Variants in STK32B observed in about 807,000 individuals in gnomAD.
The protein encoded by STK32B is serine/threonine-protein kinase 32B.
In STK32B, 43 loss-of-function variants were observed where a neutral mutation model predicts 52.6. That is an observed-to-expected ratio of 0.82 (90% CI 0.64 to 1.05). The LOEUF is 1.05. Among genes scored for constraint, STK32B ranks in the 50% least tolerant of loss-of-function variants. STK32B has a pLI of 0.00. For missense variants in STK32B, 621 were observed against 534.6 expected, an observed-to-expected ratio of 1.16 and a Z score of -1.59; for synonymous variants, 238 against 204.3, an observed-to-expected ratio of 1.17 and a Z score of -1.41.
chr4:5,358,544 T>G (rs906872101), intron 4 of STK32B, among the ~76,000 whole-genome samples: 31 of 152,146 alleles, frequency 2.0e-4, no homozygotes, highest in Non-Finnish European at 3.2e-4. Flanking sequence ...GTTTCAAAGC[T>G]TGGGCATTAA....
At chr4:5,304,141 G>A (rs1729758416) in intron 3 of STK32B, among the ~76,000 whole-genome samples, 1 of 152,092 alleles carries the variant, frequency 6.6e-6, no homozygotes, top group Admixed American at 6.6e-5. Context: ...TTTTGGCTTA[G>A]TCTTGCTATG....
chr4:5,074,166 C>G (rs746534036), intron 1 of STK32B, among the ~76,000 whole-genome samples: 2 of 142,018 alleles, frequency 1.4e-5, no homozygotes, highest in Non-Finnish European at 3.1e-5. Context: ...ACCGGAGATT[C>G]TGTTCATTTG....
intron 4 of STK32B, among the ~76,000 whole-genome samples, chr4:5,362,106 A>G (rs1021477468): frequency 2.2e-4 from 33 of 152,296 alleles, no homozygotes; most frequent in African/African-American, 7.7e-4. Context: ...CATCATCATC[A>G]AGATGTATAG....
chr4:5,290,762 A>G (rs1728849975), intron 3 of STK32B, among the ~76,000 whole-genome samples: 3 of 7,078 alleles, frequency 4.2e-4, no homozygotes, highest in South Asian at 5.7e-3. Context: ...TAAATAAGAT[A>G]TACATAAAGA....
intron 3 of STK32B, among the ~76,000 whole-genome samples, chr4:5,300,242 T>C (rs1729470802): frequency 6.6e-6 from 1 of 152,160 alleles, no homozygotes; most frequent in Admixed American, 6.5e-5. Flanking sequence ...CCCTTCATGA[T>C]AAAAACCCTC....
Position 5,256,004 on chromosome 4 carries a change from A to C in STK32B, c.261-75216A>C, listed in dbSNP as rs113250847. Among the ~76,000 whole-genome samples, 657 of 152,308 alleles carry C rather than the reference A, an allele frequency of 4.3e-3. 8 individuals carry two copies. The highest frequency in any genetic ancestry group is 0.014 in the African/African-American group (575 of 41,564). Reference sequence around the variant, plus strand: ...CATGTGTGAAGCTGACACATGCCCCAAAGTGCTATATTGACTATACTGAAT... The same window carrying C: ...CATGTGTGAAGCTGACACATGCCCCCAAGTGCTATATTGACTATACTGAAT... On this transcript the variant is annotated intron_variant, in intron 3 of 11. Transcript: ENST00000282908.
At chr4:5,070,276 A>C (rs777880309) in intron 1 of STK32B, among the ~76,000 whole-genome samples, 1 of 151,932 alleles carries the variant, frequency 6.6e-6, no homozygotes, top group Non-Finnish European at 1.5e-5. Context: ...CTGGTGGTTG[A>C]GGAGCAGCGT....
At chr4:5,487,799 A>G (rs1361504867) in intron 11 of STK32B, among the ~76,000 whole-genome samples, 1 of 152,142 alleles carries the variant, frequency 6.6e-6, no homozygotes, top group Non-Finnish European at 1.5e-5. Flanking sequence ...CAGTGTGGAA[A>G]ACACCCCCTT....
At chr4:5,365,060 G>T (rs557656175) in intron 4 of STK32B, among the ~76,000 whole-genome samples, 1 of 152,164 alleles carries the variant, frequency 6.6e-6, no homozygotes, top group Admixed American at 6.5e-5. Flanking sequence ...ATTTTTAGTG[G>T]AGATGGGGTT....
intron 1 of STK32B, among the ~76,000 whole-genome samples, chr4:5,096,532 C>G (rs1713406856): frequency 6.6e-6 from 1 of 152,172 alleles, no homozygotes; most frequent in Admixed American, 6.5e-5. Context: ...TAGACTCCCT[C>G]CTCCCACCCT....
chr4:5,077,988 C>T (rs999612272), intron 1 of STK32B, among the ~76,000 whole-genome samples: 1 of 152,180 alleles, frequency 6.6e-6, no homozygotes, highest in Non-Finnish European at 1.5e-5. Context: ...CTGGTTCTTT[C>T]TGTCCTGCTG....
chr4:5,276,910 T>G (rs1013282536), intron 3 of STK32B, among the ~76,000 whole-genome samples: 4 of 152,172 alleles, frequency 2.6e-5, no homozygotes, highest in Non-Finnish European at 4.4e-5. Flanking sequence ...GTTTTCCAAT[T>G]TCCTCATTAA....
At chr4:5,457,796 T>C (rs1450910457) in intron 8 of STK32B, among the ~76,000 whole-genome samples, 1 of 149,388 alleles carries the variant, frequency 6.7e-6, no homozygotes, top group African/African-American at 2.5e-5. Context: ...CACTTGAACC[T>C]GGGAGGTGGA....
At chr4:5,057,976 T>A (rs1742071386) in intron 1 of STK32B, among the ~76,000 whole-genome samples, 1 of 152,082 alleles carries the variant, frequency 6.6e-6, no homozygotes, top group Non-Finnish European at 1.5e-5. Context: ...AAAAACACAC[T>A]CTATTAGGCT....
chr4:5,462,659 C>G (rs1483944317), intron 9 of STK32B, among the ~76,000 whole-genome samples: 2 of 152,216 alleles, frequency 1.3e-5, no homozygotes, highest in African/African-American at 4.8e-5. Flanking sequence ...AGCTTACAGA[C>G]AACAGTGCAC....
chr4:5,161,338 T>A (rs1718429426), intron 2 of STK32B, among the ~76,000 whole-genome samples: 1 of 152,186 alleles, frequency 6.6e-6, no homozygotes, highest in Non-Finnish European at 1.5e-5. Context: ...ACCTGCCTCA[T>A]GGTGGCTTAA....
At chr4:5,270,179 A>G (rs921746791) in intron 3 of STK32B, among the ~76,000 whole-genome samples, 2 of 152,170 alleles carry the variant, frequency 1.3e-5, no homozygotes, top group African/African-American at 4.8e-5. Context: ...ATGTATATAT[A>G]AAGAGGAGTT....
At chr4:5,065,561 ATCTTGCAGTG>A (rs1200031147) in intron 1 of STK32B, among the ~76,000 whole-genome samples, 1 of 152,162 alleles carries the variant, frequency 6.6e-6, no homozygotes. Context: ...TCTCACTCCG[ATCTTGCAGTG>A]TCTCGCCTGT....
intron 1 of STK32B, among the ~76,000 whole-genome samples, chr4:5,096,419 C>G (rs1264343072): frequency 6.6e-6 from 1 of 152,192 alleles, no homozygotes; most frequent in Non-Finnish European, 1.5e-5. Flanking sequence ...TGGGAGTGGC[C>G]ATGCGAGCCA....
Sources: allele counts gnomAD v4.1 joint callset (sites outside exome capture counted in the v4.1 genomes callset), GRCh38; gene constraint gnomAD v4.1.1; transcripts MANE v1.5; gene names NCBI Gene and HGNC (gene_info 2026-07-23, HGNC 2026-07-21).